Variants in CNTNAP2 observed in about 807,000 individuals in gnomAD.
CNTNAP2 encodes the protein contactin associated protein 2.
Under a neutral mutation model 155.2 loss-of-function variants are expected in CNTNAP2, and 98 were observed. The ratio of observed to expected loss-of-function variants is 0.63; its 90% confidence interval spans 0.54 to 0.75. The LOEUF (loss-of-function observed/expected upper bound fraction) is 0.75, where lower values mean the gene tolerates loss of function less well. Among genes scored for constraint, CNTNAP2 ranks in the 30% least tolerant of loss-of-function variants. The pLI is 0.00. For missense variants in CNTNAP2, 1,727 were observed against 1,688.1 expected, an observed-to-expected ratio of 1.02 and a Z score of -0.40; for synonymous variants, 651 against 631.2, an observed-to-expected ratio of 1.03 and a Z score of -0.47.
intron 14 of CNTNAP2, among the ~76,000 whole-genome samples, chr7:147,974,573 C>T (rs28883283): frequency 0.11 from 17,187 of 152,026 alleles, 1,389 homozygotes; most frequent in African/African-American, 0.23. Context: ...TGCAGTGAGT[C>T]GAGATCGTGC....
rs117894541 is a variant in CNTNAP2 at position 147,887,064 on chromosome 7, T to A, written c.2099-16501T>A. On this transcript the variant is annotated intron_variant, in intron 13 of 23. Transcript: ENST00000361727. Reference sequence around the variant, plus strand: ...CTTTCCTTTATGTCACATTGTATAATAAAATATCACCTTGACCATGCCTCT... The same window carrying A: ...CTTTCCTTTATGTCACATTGTATAAAAAAATATCACCTTGACCATGCCTCT... 8.3e-4 allele frequency among the ~76,000 whole-genome samples: 126 copies of A among 152,328 alleles called. 1 individual carries two copies. The East Asian group carries it at 0.021, about 25-fold the overall frequency.
At chr7:147,364,328 T>TACAC (rs1796191431) in intron 9 of CNTNAP2, among the ~76,000 whole-genome samples, 1 of 152,210 alleles carries the variant, frequency 6.6e-6, no homozygotes, top group African/African-American at 2.4e-5. Context: ...CTTAGAAAAT[T>TACAC]ATATGTGTAA....
At chr7:147,993,725 G>C (rs184769308) in intron 15 of CNTNAP2, among the ~76,000 whole-genome samples, 1 of 152,102 alleles carries the variant, frequency 6.6e-6, no homozygotes, top group African/African-American at 2.4e-5. Flanking sequence ...ACAAATTAGC[G>C]AATTATGTTG....
chr7:147,443,115 C>T (rs1797672429), intron 10 of CNTNAP2, among the ~76,000 whole-genome samples: 1 of 152,142 alleles, frequency 6.6e-6, no homozygotes, highest in Admixed American at 6.5e-5. Flanking sequence ...ATGGCCTATA[C>T]TGCCTTTCAA....
intron 8 of CNTNAP2, among the ~76,000 whole-genome samples, chr7:147,219,119 A>C (rs1803338620): frequency 6.6e-6 from 1 of 152,212 alleles, no homozygotes; most frequent in Admixed American, 6.5e-5. Context: ...GAGAGCAAGA[A>C]GGGGCTGAAC....
At chr7:148,407,394 G>A (rs2717824) in intron 22 of CNTNAP2, among the ~76,000 whole-genome samples, 53,932 of 152,028 alleles carry the variant, frequency 0.35, 11,580 homozygotes, top group East Asian at 0.62. Flanking sequence ...TCCCTGCCTA[G>A]CTAACTGGAT....
chr7:146,823,742 T>C (rs2129196929), intron 2 of CNTNAP2, among the ~76,000 whole-genome samples: 1 of 152,214 alleles, frequency 6.6e-6, no homozygotes, highest in Non-Finnish European at 1.5e-5. Flanking sequence ...GTCAGTATTA[T>C]ATCTTCTAAT....
chr7:147,409,453 A>G (rs909382903), intron 10 of CNTNAP2, among the ~76,000 whole-genome samples: 7 of 152,236 alleles, frequency 4.6e-5, no homozygotes, highest in African/African-American at 1.7e-4. Context: ...ACACTTTGCA[A>G]TACAACATAT....
chr7:146,445,651 A>G (rs1227254166), intron 1 of CNTNAP2, among the ~76,000 whole-genome samples: 1 of 152,146 alleles, frequency 6.6e-6, no homozygotes, highest in African/African-American at 2.4e-5. Flanking sequence ...TGCTTGCATT[A>G]TCAAGACATT....
At chr7:146,713,037 C>G (rs759606620) in intron 1 of CNTNAP2, among the ~76,000 whole-genome samples, 1 of 151,994 alleles carries the variant, frequency 6.6e-6, no homozygotes, top group Non-Finnish European at 1.5e-5. Context: ...GATTCACTCC[C>G]CTCTCTGAAT....
intron 10 of CNTNAP2, among the ~76,000 whole-genome samples, chr7:147,414,921 GAA>G (rs1320261181): frequency 9.4e-6 from 1 of 106,728 alleles, no homozygotes; most frequent in Non-Finnish European, 1.7e-5. Flanking sequence ...CAGCCTGGGT[GAA>G]AGAGAGAGAC....
chr7:146,893,854 G>A (rs1188564217), intron 3 of CNTNAP2, among the ~76,000 whole-genome samples: 2 of 152,300 alleles, frequency 1.3e-5, no homozygotes, highest in South Asian at 2.1e-4. Context: ...AGAGGAAGAA[G>A]TTTCAATAGA....
intron 14 of CNTNAP2, among the ~76,000 whole-genome samples, chr7:147,926,110 A>G (rs1416653957): frequency 6.6e-6 from 1 of 152,222 alleles, no homozygotes; most frequent in East Asian, 1.9e-4. Flanking sequence ...TGTAAATGAT[A>G]TTTGAGCTGA....
intron 13 of CNTNAP2, among the ~76,000 whole-genome samples, chr7:147,722,825 G>A (rs10156127): frequency 6.6e-6 from 1 of 151,996 alleles, no homozygotes; most frequent in African/African-American, 2.4e-5. Context: ...ATCTCTCTGG[G>A]TATCAGTTTC....
At chr7:147,132,613 GT>G in intron 8 of CNTNAP2, 104 bp downstream of exon 8, 3 of 1,449,720 alleles carry the variant, frequency 2.1e-6, no homozygotes, top group South Asian at 1.2e-5. Context: ...TCAGGATTAG[GT>G]TTTAATTCAG....
chr7:148,386,936 A>C (rs972717074), intron 22 of CNTNAP2, among the ~76,000 whole-genome samples: 1 of 152,216 alleles, frequency 6.6e-6, no homozygotes, highest in African/African-American at 2.4e-5. Flanking sequence ...GATTTCTAGA[A>C]GAACAAATGA....
intron 10 of CNTNAP2, among the ~76,000 whole-genome samples, chr7:147,475,671 T>C (rs1231669383): frequency 1.3e-5 from 2 of 152,288 alleles, no homozygotes; most frequent in South Asian, 2.1e-4. Flanking sequence ...TTATTAATGG[T>C]TCCTGGATTT....
chr7:146,822,673 ATTC>A (rs1435610782), intron 2 of CNTNAP2, among the ~76,000 whole-genome samples: 1 of 146,970 alleles, frequency 6.8e-6, no homozygotes, highest in African/African-American at 2.5e-5. Context: ...AAATATACTT[ATTC>A]TTAAGCATAT....
chr7:147,474,075 G>A lies in CNTNAP2; in HGVS notation c.1671-11860G>A, dbSNP rs895344789. Among the ~76,000 whole-genome samples, 8 of 151,108 alleles carry A rather than the reference G, an allele frequency of 5.3e-5. No homozygotes were observed. In the East Asian group the frequency reaches 5.9e-4, roughly 11 times the overall value. On this transcript the variant is annotated intron_variant, in intron 10 of 23. Coordinates refer to ENST00000361727, the MANE Select transcript of CNTNAP2 (RefSeq NM_014141.6). ...GCCTGGGAGACAAGTACGAAACTCC[G>A]TCTCTAAAAAAAAATAAATAAAAAT...
Sources: allele counts gnomAD v4.1 joint callset (sites outside exome capture counted in the v4.1 genomes callset), GRCh38; gene constraint gnomAD v4.1.1; transcripts MANE v1.5; gene names NCBI Gene and HGNC (gene_info 2026-07-23, HGNC 2026-07-21).